Variants in ATF6 observed in about 807,000 individuals in gnomAD.
The protein encoded by ATF6 is activating transcription factor 6, also known as cyclic AMP-dependent transcription factor ATF-6 alpha.
A neutral mutation model predicts 83.6 loss-of-function variants in ATF6; 53 were observed. The ratio of observed to expected loss-of-function variants is 0.63; its 90% CI spans 0.51 to 0.80. The LOEUF (loss-of-function observed/expected upper bound fraction) is 0.80, where lower values mean the gene tolerates loss of function less well. Among genes scored for constraint, ATF6 ranks in the 30% least tolerant of loss-of-function variants. ATF6 has a pLI of 0.00. For synonymous variants in ATF6, 288 were observed against 285.8 expected, an observed-to-expected ratio of 1.01 and a Z score of -0.08; for missense variants, 744 against 797.9, an observed-to-expected ratio of 0.93 and a Z score of 0.81.
chr1:161,796,808 C>T (rs1272944317), intron 6 of ATF6, among the ~76,000 whole-genome samples: 2 of 152,044 alleles, frequency 1.3e-5, no homozygotes, highest in African/African-American at 2.4e-5. Context: ...AGAATTATAT[C>T]ATCTGTGTGA....
chr1:161,771,076 A>G (rs911556483), intron 1 of ATF6, among the ~76,000 whole-genome samples: 1 of 152,168 alleles, frequency 6.6e-6, no homozygotes, highest in Non-Finnish European at 1.5e-5. Flanking sequence ...CTGATGACAT[A>G]TGATGTTGAG....
chr1:161,899,128 T>TA (rs2101877602), intron 14 of ATF6, among the ~76,000 whole-genome samples: 1 of 152,328 alleles, frequency 6.6e-6, no homozygotes, highest in African/African-American at 2.4e-5. Flanking sequence ...GATTCAGAAT[T>TA]AAACAAAGGC....
At chr1:161,786,677 TTACCA>T (rs1684754860) in intron 4 of ATF6, among the ~76,000 whole-genome samples, 1 of 152,220 alleles carries the variant, frequency 6.6e-6, no homozygotes. Flanking sequence ...TCAGAGTAAG[TTACCA>T]GTCCGATGCC....
intron 9 of ATF6, among the ~76,000 whole-genome samples, chr1:161,825,893 C>T (rs1052989153): frequency 6.6e-6 from 1 of 152,126 alleles, no homozygotes; most frequent in African/African-American, 2.4e-5. Flanking sequence ...CTCTGGCAAT[C>T]AGCCTCCATC....
intron 15 of ATF6, among the ~76,000 whole-genome samples, chr1:161,914,405 C>A (rs1009413021): frequency 6.6e-6 from 1 of 152,182 alleles, no homozygotes; most frequent in African/African-American, 2.4e-5. Context: ...TTATTTGTTG[C>A]TGCCGTCTAC....
intron 14 of ATF6, among the ~76,000 whole-genome samples, chr1:161,893,247 G>A (rs938776697): frequency 2.0e-4 from 31 of 151,804 alleles, no homozygotes; most frequent in African/African-American, 7.0e-4. Context: ...ACTCACTGCA[G>A]CCTCCACCTC....
chr1:161,958,040 T>C (rs555746288), intron 15 of ATF6, among the ~76,000 whole-genome samples: 8 of 152,320 alleles, frequency 5.3e-5, no homozygotes, highest in African/African-American at 1.7e-4. Context: ...TTCTTCCCAT[T>C]GTTGAAGGCA....
chr1:161,870,023 G>A (rs936486452), intron 14 of ATF6, among the ~76,000 whole-genome samples: 21 of 31,168 alleles, frequency 6.7e-4, no homozygotes, highest in Non-Finnish European at 1.1e-3. Context: ...ATTTAATACA[G>A]TGATTTTTTT....
intron 15 of ATF6, among the ~76,000 whole-genome samples, chr1:161,936,299 A>G (rs542051963): frequency 1.2e-5 from 1 of 85,132 alleles, no homozygotes; most frequent in East Asian, 2.8e-4. Context: ...TTTTCTTTTT[A>G]ATTTTTTTTA....
At chr1:161,858,361 C>G (rs2101833799) in intron 12 of ATF6, among the ~76,000 whole-genome samples, 1 of 151,964 alleles carries the variant, frequency 6.6e-6, no homozygotes, top group Admixed American at 6.6e-5. Flanking sequence ...AAAGATCCAA[C>G]TATATATTGT....
Position 161,904,052 on chromosome 1 carries a change from C to T in ATF6, c.1720-8244C>T, listed in dbSNP as rs193060964. ...GTTAAGAACTTCTGTTTTAGAAGGA[C>T]CTACCATTGGCACTGTTTTTGCTTC... On this transcript the variant is annotated intron_variant, in intron 14 of 15. Coordinates refer to ENST00000367942, the MANE Select transcript of ATF6 (RefSeq NM_007348.4). Among the ~76,000 whole-genome samples, 3 of 152,234 alleles carry T rather than the reference C, an allele frequency of 2.0e-5. No individual in the cohort carries two copies. In the East Asian group the frequency reaches 5.8e-4, roughly 29 times the overall value.
intron 2 of ATF6, among the ~76,000 whole-genome samples, chr1:161,779,929 G>A (rs207460519): frequency 6.6e-6 from 1 of 151,878 alleles, no homozygotes; most frequent in Admixed American, 6.6e-5. Flanking sequence ...GTAGAGACGG[G>A]GTTTCACTAC....
intron 9 of ATF6, among the ~76,000 whole-genome samples, chr1:161,822,815 AAAG>A (rs1381195175): frequency 6.6e-6 from 1 of 152,226 alleles, no homozygotes; most frequent in East Asian, 1.9e-4. Context: ...TTAACATCTA[AAAG>A]AAGATTAGGA....
chr1:161,799,348 A>G (rs1425385105), intron 6 of ATF6, among the ~76,000 whole-genome samples: 1 of 152,210 alleles, frequency 6.6e-6, no homozygotes, highest in Non-Finnish European at 1.5e-5. Context: ...CAAATACTTC[A>G]TGTTCTGTCT....
At chr1:161,877,358 A>G (rs906137386) in intron 14 of ATF6, among the ~76,000 whole-genome samples, 1 of 152,148 alleles carries the variant, frequency 6.6e-6, no homozygotes, top group Non-Finnish European at 1.5e-5. Flanking sequence ...GACTCAGAGA[A>G]TAACAAGGAT....
chr1:161,872,901 A>G (rs572719127), intron 14 of ATF6, among the ~76,000 whole-genome samples: 34 of 151,678 alleles, frequency 2.2e-4, no homozygotes, highest in African/African-American at 7.9e-4. Flanking sequence ...TGTTAAGGAC[A>G]GGAGAGATAT....
chr1:161,784,339 A>G (rs565927308), intron 4 of ATF6, among the ~76,000 whole-genome samples: 1 of 152,206 alleles, frequency 6.6e-6, no homozygotes, highest in South Asian at 2.1e-4. Flanking sequence ...GTTTCATTGC[A>G]TTTTAACAGT....
intron 15 of ATF6, among the ~76,000 whole-genome samples, chr1:161,933,273 C>A (rs945885304): frequency 6.6e-6 from 1 of 152,172 alleles, no homozygotes; most frequent in Non-Finnish European, 1.5e-5. Context: ...ATCCTGCAAA[C>A]AAGTGATAAT....
At chr1:161,837,425 G>A (rs1455325614) in intron 9 of ATF6, among the ~76,000 whole-genome samples, 1 of 152,194 alleles carries the variant, frequency 6.6e-6, no homozygotes, top group Non-Finnish European at 1.5e-5. Context: ...TTTGGTGTCT[G>A]TGTGTTCTGA....
Sources: gnomAD v4.1 joint callset for allele counts (sites outside exome capture counted in the v4.1 genomes callset) on GRCh38, gnomAD v4.1.1 for gene constraint, MANE v1.5 for transcripts, NCBI Gene and HGNC (gene_info 2026-07-23, HGNC 2026-07-21) for gene names.